KCNIP4: variants seen among roughly 807,000 people sequenced by gnomAD.
KCNIP4 encodes the protein Kv channel-interacting protein 4.
Under a neutral mutation model 34.0 loss-of-function variants are expected in KCNIP4, and 12 were observed. The observed-to-expected ratio is 0.35, with a 90% confidence interval of 0.23 to 0.57. The LOEUF is 0.57. Among genes scored for constraint, KCNIP4 ranks in the 20% least tolerant of loss-of-function variants. The probability of loss-of-function intolerance (pLI) is 0.83; values close to 1 mark genes in which losing one functional copy is unlikely to be tolerated. For synonymous variants in KCNIP4, 124 were observed against 102.2 expected, an observed-to-expected ratio of 1.21 and a Z score of -1.29; for missense variants, 238 against 311.7, an observed-to-expected ratio of 0.76 and a Z score of 1.78.
intron 1 of KCNIP4, among the ~76,000 whole-genome samples, chr4:21,528,744 A>G (rs867432437): frequency 0.012 from 148 of 12,362 alleles, 2 homozygotes; most frequent in South Asian, 0.023. Context: ...AGAAAGAAAG[A>G]AAGAAAGAAA....
intron 1 of KCNIP4, among the ~76,000 whole-genome samples, chr4:21,389,890 A>G (rs1005595686): frequency 1.3e-5 from 2 of 151,976 alleles, no homozygotes; most frequent in African/African-American, 4.8e-5. Flanking sequence ...GTCTTCCACA[A>G]TGATTGAACT....
At chr4:21,477,202 T>C (rs143142734) in intron 1 of KCNIP4, among the ~76,000 whole-genome samples, 1 of 152,198 alleles carries the variant, frequency 6.6e-6, no homozygotes, top group East Asian at 1.9e-4. Flanking sequence ...GTTTTTCTAT[T>C]CAGGTTTTTT....
chr4:21,010,062 A>T (rs1407790510), intron 1 of KCNIP4, among the ~76,000 whole-genome samples: 2 of 152,138 alleles, frequency 1.3e-5, no homozygotes, highest in Admixed American at 6.5e-5. Context: ...AACCCTAATT[A>T]CTTCCCAAAG....
chr4:20,986,675 G>T (rs193046312), intron 1 of KCNIP4, among the ~76,000 whole-genome samples: 19 of 152,232 alleles, frequency 1.2e-4, no homozygotes, highest in Non-Finnish European at 2.5e-4. Context: ...ATTTCTATCA[G>T]CAGATTTCAG....
intron 1 of KCNIP4, chr4:20,983,875 A>G: frequency 1.3e-6 from 2 of 1,536,274 alleles, no homozygotes; most frequent in East Asian, 4.9e-5. Context: ...ATATAATCAC[A>G]ACAATACCCA....
At chr4:20,732,266 C>A (rs1039603596) in intron 7 of KCNIP4, among the ~76,000 whole-genome samples, 198 bp from the exon 8 acceptor site, 1 of 152,150 alleles carries the variant, frequency 6.6e-6, no homozygotes, top group African/African-American at 2.4e-5. Context: ...TTTCCCTTTT[C>A]AATATAATGT....
chr4:21,253,923 C>T (rs6836816), intron 1 of KCNIP4, among the ~76,000 whole-genome samples: 42,268 of 152,030 alleles, frequency 0.28, 10,315 homozygotes, highest in African/African-American at 0.66. Context: ...AAAAACATCA[C>T]ACTAAGTGGG....
intron 1 of KCNIP4, among the ~76,000 whole-genome samples, chr4:21,282,315 T>C (rs938005261): frequency 2.0e-5 from 3 of 152,210 alleles, no homozygotes; most frequent in East Asian, 1.9e-4. Flanking sequence ...AGTAGATATC[T>C]TTTACCATAA....
chr4:21,214,671 C>T (rs1757440171), intron 1 of KCNIP4, among the ~76,000 whole-genome samples: 1 of 152,112 alleles, frequency 6.6e-6, no homozygotes, highest in African/African-American at 2.4e-5. Context: ...TAAAACTTGA[C>T]TATATATGTT....
chr4:21,921,401 ATACAT>A (rs1413475651), intron 1 of KCNIP4, among the ~76,000 whole-genome samples: 10 of 152,300 alleles, frequency 6.6e-5, no homozygotes, highest in Admixed American at 6.5e-4. Flanking sequence ...TAAAGAAAAT[ATACAT>A]TACAAGGCTC....
intron 1 of KCNIP4, among the ~76,000 whole-genome samples, chr4:21,148,908 G>A (rs911472179): frequency 6.6e-6 from 1 of 152,118 alleles, no homozygotes; most frequent in African/African-American, 2.4e-5. Context: ...TCAAATTTAG[G>A]TACAGTAAAA....
chr4:21,052,832 C>T (rs1475891636), intron 1 of KCNIP4, among the ~76,000 whole-genome samples: 1 of 152,024 alleles, frequency 6.6e-6, no homozygotes, highest in Non-Finnish European at 1.5e-5. Context: ...GTGTGAGTCT[C>T]CAGGAGAGGT....
At chr4:21,075,273 A>C (rs547892490) in intron 1 of KCNIP4, among the ~76,000 whole-genome samples, 7 of 152,222 alleles carry the variant, frequency 4.6e-5, no homozygotes, top group Non-Finnish European at 8.8e-5. Context: ...GTGGGAGTCT[A>C]AGTCTCTTTG....
chr4:20,965,656 G>T (rs564419586), intron 1 of KCNIP4, among the ~76,000 whole-genome samples: 1 of 152,254 alleles, frequency 6.6e-6, no homozygotes, highest in Admixed American at 6.5e-5. Flanking sequence ...ACAGCCATTG[G>T]CAAGAATAGT....
At chr4:20,975,501 T>A (rs1735393015) in intron 1 of KCNIP4, among the ~76,000 whole-genome samples, 1 of 152,162 alleles carries the variant, frequency 6.6e-6, no homozygotes, top group South Asian at 2.1e-4. Context: ...ATATAACAAC[T>A]ATCTAAGTTG....
chr4:21,720,945 CTT>C (rs1331835900), intron 1 of KCNIP4, among the ~76,000 whole-genome samples: 1 of 152,058 alleles, frequency 6.6e-6, no homozygotes, highest in African/African-American at 2.4e-5. Flanking sequence ...GGTTCCAAGT[CTT>C]TGCTATTGTG....
At chr4:21,434,008 G>T (rs1226983471) in intron 1 of KCNIP4, among the ~76,000 whole-genome samples, 1 of 151,910 alleles carries the variant, frequency 6.6e-6, no homozygotes, top group East Asian at 1.9e-4. Flanking sequence ...GTATTTTCTG[G>T]GTTCAATTTC....
At chr4:21,207,562 A>G (rs2108968871) in intron 1 of KCNIP4, among the ~76,000 whole-genome samples, 1 of 152,320 alleles carries the variant, frequency 6.6e-6, no homozygotes, top group Non-Finnish European at 1.5e-5. Flanking sequence ...CCAGACAGCA[A>G]TTTGTCTATG....
intron 1 of KCNIP4, among the ~76,000 whole-genome samples, chr4:21,134,250 A>G (rs1262774387): frequency 2.0e-5 from 3 of 152,212 alleles, no homozygotes; most frequent in African/African-American, 7.2e-5. Flanking sequence ...CAATATGAAG[A>G]TGACGAAGAT....
Sources: allele counts gnomAD v4.1 joint callset (sites outside exome capture counted in the v4.1 genomes callset), GRCh38; gene constraint gnomAD v4.1.1; transcripts MANE v1.5; gene names NCBI Gene and HGNC (gene_info 2026-07-23, HGNC 2026-07-21).